The following RALGPS2 variants were observed in gnomAD, a reference collection of about 807,000 sequenced individuals.
RALGPS2 encodes the protein Ral GEF with PH domain and SH3 binding motif 2.
A neutral mutation model predicts 86.8 loss-of-function variants in RALGPS2; 43 were observed. The observed-to-expected ratio is 0.50, with a 90% CI of 0.39 to 0.64. RALGPS2 has a LOEUF of 0.64. RALGPS2 is among the 30% of genes least tolerant of loss of function. The pLI is 0.00. For synonymous variants in RALGPS2, 243 were observed against 231.3 expected, an observed-to-expected ratio of 1.05 and a Z score of -0.46; for missense variants, 536 against 694.6, an observed-to-expected ratio of 0.77 and a Z score of 2.57.
intron 19 of RALGPS2, among the ~76,000 whole-genome samples, chr1:178,907,218 A>G (rs757401045): frequency 1.3e-5 from 2 of 152,214 alleles, no homozygotes; most frequent in African/African-American, 4.8e-5. Context: ...GGAACGAGCT[A>G]TAAGAAGAGG....
chr1:178,874,516 G>A (rs55821489), intron 8 of RALGPS2, among the ~76,000 whole-genome samples: 6,139 of 152,162 alleles, frequency 0.04, 143 homozygotes, highest in Non-Finnish European at 0.057. Flanking sequence ...TTAGTACCCC[G>A]CTCAAATCCC....
chr1:178,752,822 G>A (rs559453017), intron 1 of RALGPS2, among the ~76,000 whole-genome samples: 20 of 152,300 alleles, frequency 1.3e-4, no homozygotes, highest in African/African-American at 4.6e-4. Context: ...TGTTGTAGGG[G>A]AAGTCATTGC....
At chr1:178,770,503 C>T (rs1001196331) in intron 1 of RALGPS2, among the ~76,000 whole-genome samples, 2 of 148,498 alleles carry the variant, frequency 1.3e-5, no homozygotes, top group Non-Finnish European at 3.0e-5. Context: ...TTGCATACTT[C>T]ATACTTTTTT....
chr1:178,799,676 G>A (rs75474378), intron 4 of RALGPS2, among the ~76,000 whole-genome samples: 2 of 152,042 alleles, frequency 1.3e-5, no homozygotes, highest in South Asian at 4.1e-4. Flanking sequence ...GGACTGCCTC[G>A]TAAAGTTCTT....
chr1:178,893,407 T>G (rs1659800346), intron 15 of RALGPS2, among the ~76,000 whole-genome samples: 1 of 151,724 alleles, frequency 6.6e-6, no homozygotes, highest in Non-Finnish European at 1.5e-5. Flanking sequence ...TATTATTGAC[T>G]TTATTACTTC....
intron 8 of RALGPS2, chr1:178,851,193 G>A (rs1358400319): frequency 6.2e-7 from 1 of 1,613,906 alleles, no homozygotes; most frequent in Admixed American, 1.7e-5. Flanking sequence ...TCTGTATTCG[G>A]CCCAGAAAAT....
chr1:178,783,488 TC>T (rs1653494731), intron 2 of RALGPS2, among the ~76,000 whole-genome samples: 1 of 152,116 alleles, frequency 6.6e-6, no homozygotes, highest in Non-Finnish European at 1.5e-5. Context: ...TAAGGACAGA[TC>T]CCTTTCTTTG....
At chr1:178,809,061 G>A (rs1195734172) in intron 5 of RALGPS2, among the ~76,000 whole-genome samples, 1 of 151,946 alleles carries the variant, frequency 6.6e-6, no homozygotes, top group African/African-American at 2.4e-5. Context: ...TGTTGCCCAA[G>A]CTGGTCTCGA....
At chr1:178,894,092 A>G (rs1659835032) in intron 16 of RALGPS2, 68 bp downstream of exon 16, 1 of 919,744 alleles carries the variant, frequency 1.1e-6, no homozygotes, top group Non-Finnish European at 1.6e-6. Context: ...ACTCTGTAAA[A>G]GTACTAAAAC....
chr1:178,901,811 AC>A lies in RALGPS2; in HGVS notation c.1525-294del, dbSNP rs572209574. ...AGTAGTACAGTAATTCAGAAAAAAA[AC>A]AACAGATTAATATATCATATTCACA... is the stretch of plus-strand genomic sequence containing the variant. On this transcript the variant is annotated intron_variant, in intron 17 of 19. Coordinates refer to ENST00000367635, the MANE Select transcript of RALGPS2 (RefSeq NM_152663.5). Among the ~76,000 whole-genome samples the A allele has an allele frequency of 1.3e-3, 193 of 152,168 alleles. 1 individual carries two copies. Among genetic ancestry groups the A allele is most frequent in the African/African-American group, 4.3e-3 (177 of 41,546 alleles).
intron 15 of RALGPS2, among the ~76,000 whole-genome samples, chr1:178,893,310 A>C (rs942165759): frequency 2.0e-5 from 3 of 151,582 alleles, no homozygotes; most frequent in African/African-American, 7.3e-5. Context: ...CCTTTCGTGG[A>C]GAGCTATTAG....
intron 1 of RALGPS2, among the ~76,000 whole-genome samples, chr1:178,755,157 A>C (rs1008506285): frequency 2.0e-5 from 3 of 151,890 alleles, no homozygotes; most frequent in Non-Finnish European, 1.5e-5. Flanking sequence ...TTTTTTTCCA[A>C]TGCATGTGTG....
chr1:178,780,050 T>C (rs1417845404), intron 2 of RALGPS2, among the ~76,000 whole-genome samples: 2 of 152,314 alleles, frequency 1.3e-5, no homozygotes, highest in African/African-American at 4.8e-5. Context: ...TTGTTAATTT[T>C]TGCCCACCAC....
rs1045270109 is a variant in RALGPS2, at chr1:178,918,845, A to G, written c.*2486A>G. On this transcript the variant is annotated 3_prime_UTR_variant, in exon 20 of 20. Coordinates refer to ENST00000367635, the MANE Select transcript of RALGPS2 (RefSeq NM_152663.5). ...TTCAAAGAAAATATGTTACCAAAAT[A>G]TATTAAATATATAGGTAGTTCATTC... 3 of 152,096 alleles carry G rather than the reference A, an allele frequency of 2.0e-5. No individual in the cohort carries two copies. The highest frequency in any genetic ancestry group is 2.9e-5 in the Non-Finnish European group (2 of 67,950). The allele number at this position is 152,096 out of a possible 1,614,324, so 9.4% of individuals were successfully genotyped here.
chr1:178,868,377 A>G (rs1011151659), intron 8 of RALGPS2, among the ~76,000 whole-genome samples: 11 of 151,982 alleles, frequency 7.2e-5, no homozygotes, highest in Non-Finnish European at 1.5e-4. Context: ...TACCACTGCT[A>G]AAGTCCATTC....
At chr1:178,771,484 A>G (rs896282643) in intron 1 of RALGPS2, among the ~76,000 whole-genome samples, 16 of 152,322 alleles carry the variant, frequency 1.1e-4, no homozygotes, top group African/African-American at 3.4e-4. Flanking sequence ...ATCCAGAGGC[A>G]CATGATGTCT....
rs77533012 is a variant in RALGPS2, at chr1:178,810,043, T to TG, written c.298-1272_298-1271insG. On this transcript the variant is annotated intron_variant, in intron 5 of 19. Transcript: ENST00000367635. ...AGGAGGATCACTTGAGCCCAAGAGTTCAAGACCAGCTTGGGCAACATACTA... is the reference window on the plus strand; with the variant it reads ...AGGAGGATCACTTGAGCCCAAGAGTTGCAAGACCAGCTTGGGCAACATACTA... Among the ~76,000 whole-genome samples, 447 of 151,792 alleles carry TG rather than the reference T, an allele frequency of 2.9e-3. 21 individuals are homozygous for TG. The East Asian group carries it at 0.078, about 27-fold the overall frequency.
In RALGPS2 at chr1:178,862,897, A is replaced by G. The variant is rs150724423; in HGVS notation, c.608-14601A>G. 6.6e-5 allele frequency among the ~76,000 whole-genome samples: 10 copies of G among 152,336 alleles called. No individual in the cohort carries two copies. In the East Asian group the frequency reaches 1.9e-3, roughly 29 times the overall value. ...AGATGAATCTGCTGGCAATGTAAAT[A>G]TATTTTGATGGAGAGAGAAAACAGA... On this transcript the variant is annotated intron_variant, in intron 8 of 19. Transcript: ENST00000367635.
chr1:178,726,022 T>C (rs1028113645), intron 1 of RALGPS2: 1 of 152,048 alleles, frequency 6.6e-6, no homozygotes, highest in East Asian at 1.9e-4. Flanking sequence ...CGTCCTGTGC[T>C]GGCCTCGGGC....
Sources: allele counts gnomAD v4.1 joint callset (sites outside exome capture counted in the v4.1 genomes callset), GRCh38; gene constraint gnomAD v4.1.1; transcripts MANE v1.5; gene names NCBI Gene and HGNC (gene_info 2026-07-23, HGNC 2026-07-21).